CCBE1: variants seen among roughly 807,000 people sequenced by gnomAD.
CCBE1 encodes collagen and calcium-binding EGF domain-containing protein 1.
A neutral mutation model predicts 50.0 loss-of-function variants in CCBE1; 37 were observed. The ratio of observed to expected loss-of-function variants is 0.74; its 90% CI spans 0.57 to 0.97. The LOEUF (loss-of-function observed/expected upper bound fraction) is 0.97. Among genes scored for constraint, CCBE1 ranks in the 50% least tolerant of loss-of-function variants. CCBE1 has a pLI of 0.00. For synonymous variants in CCBE1, 234 were observed against 203.7 expected (o/e 1.15, Z -1.27); for missense variants, 538 against 523.8 (o/e 1.03, Z -0.26).
Position 59,432,927 on chromosome 18 carries a change from C to G in CCBE1, c.*2981G>C, listed in dbSNP as rs1909992610. On this transcript the variant is annotated 3_prime_UTR_variant, in exon 11 of 11. Coordinates refer to ENST00000439986, the MANE Select transcript of CCBE1 (RefSeq NM_133459.4). Reference sequence around the variant, plus strand: ...AAATCATAGATGGACCTAGCCATCTCTCATACAGCTTGTGCATAGTTTTGT... The same window carrying G: ...AAATCATAGATGGACCTAGCCATCTGTCATACAGCTTGTGCATAGTTTTGT... 1 of 149,174 alleles carries G rather than the reference C, an allele frequency of 6.7e-6. No individual in the cohort carries two copies. Among genetic ancestry groups the G allele is most frequent in the African/African-American group, 2.5e-5 (1 of 40,474 alleles). The allele number at this position is 149,174 out of a possible 1,614,324, so 9.2% of individuals were successfully genotyped here.
intron 2 of CCBE1, among the ~76,000 whole-genome samples, chr18:59,491,121 G>A (rs927859954): frequency 2.0e-5 from 3 of 152,192 alleles, no homozygotes; most frequent in Non-Finnish European, 4.4e-5. Flanking sequence ...ATACCTGAAT[G>A]ACTATTAGTA....
chr18:59,622,934 G>A lies in CCBE1; in HGVS notation c.212+73695C>T, dbSNP rs2053732751. Among the ~76,000 whole-genome samples, 3 of 151,950 alleles carry A rather than the reference G, an allele frequency of 2.0e-5. No individual in the cohort carries two copies. The South Asian group carries it at 6.2e-4, about 32-fold the overall frequency. On this transcript the variant is annotated intron_variant, in intron 2 of 10. Coordinates refer to ENST00000439986, the MANE Select transcript of CCBE1 (RefSeq NM_133459.4). ...GAAACACTCTGGATGATACTATGATGGAAAATACATGTCATGATACATTTA... is the reference window on the plus strand; with the variant it reads ...GAAACACTCTGGATGATACTATGATAGAAAATACATGTCATGATACATTTA...
At chr18:59,451,938 C>T (rs1208335681) in intron 6 of CCBE1, among the ~76,000 whole-genome samples, 2 of 147,888 alleles carry the variant, frequency 1.4e-5, no homozygotes, top group Non-Finnish European at 3.0e-5. Context: ...CAACAAGTCA[C>T]CACTTTCCTT....
At chr18:59,692,955 AGCACACACACACAC>A (rs201118486) in intron 2 of CCBE1, among the ~76,000 whole-genome samples, 7,722 of 143,128 alleles carry the variant, frequency 0.054, 325 homozygotes, top group African/African-American at 0.098. Context: ...GTCAAGCCAA[AGCACACACACACAC>A]ACACACACAC....
At chr18:59,563,943 T>C (rs1436678310) in intron 2 of CCBE1, 1 of 152,202 alleles carries the variant, frequency 6.6e-6, no homozygotes, top group African/African-American at 2.4e-5. Context: ...GAGAATAGCA[T>C]GAACAGCAGC....
chr18:59,509,634 T>A (rs535472419), intron 2 of CCBE1, among the ~76,000 whole-genome samples: 1 of 152,288 alleles, frequency 6.6e-6, no homozygotes, highest in East Asian at 1.9e-4. Context: ...ATCTAGCACA[T>A]GTCTTAAGTT....
At chr18:59,609,777 T>C (rs1044851897) in intron 2 of CCBE1, among the ~76,000 whole-genome samples, 1 of 152,236 alleles carries the variant, frequency 6.6e-6, no homozygotes, top group Non-Finnish European at 1.5e-5. Flanking sequence ...CAGGAAAGCA[T>C]AACTTTTTCA....
chr18:59,624,266 A>G (rs1442014315), intron 2 of CCBE1, among the ~76,000 whole-genome samples: 1 of 152,178 alleles, frequency 6.6e-6, no homozygotes, highest in Non-Finnish European at 1.5e-5. Flanking sequence ...TTAGCCTCAA[A>G]TTCTCTTTGG....
At chr18:59,516,798 C>G (rs1914394327) in intron 2 of CCBE1, among the ~76,000 whole-genome samples, 1 of 152,208 alleles carries the variant, frequency 6.6e-6, no homozygotes, top group South Asian at 2.1e-4. Flanking sequence ...CAGAACATCA[C>G]AGCAAACACA....
At chr18:59,495,793 G>A (rs956046880) in intron 2 of CCBE1, among the ~76,000 whole-genome samples, 11 of 152,196 alleles carry the variant, frequency 7.2e-5, no homozygotes, top group Admixed American at 1.3e-4. Context: ...GTACGAGGGG[G>A]CACTGCGGCC....
chr18:59,569,635 T>TA (rs34318969), intron 2 of CCBE1, among the ~76,000 whole-genome samples: 10,011 of 146,962 alleles, frequency 0.068, 947 homozygotes, highest in African/African-American at 0.21. Flanking sequence ...CCCGCCCTTT[T>TA]AAAAAAAAAA....
intron 3 of CCBE1, among the ~76,000 whole-genome samples, chr18:59,476,679 G>A (rs1339361734): frequency 6.6e-6 from 1 of 152,216 alleles, no homozygotes; most frequent in African/African-American, 2.4e-5. Flanking sequence ...AGGCAGCAAC[G>A]CTTAAAAACT....
intron 2 of CCBE1, among the ~76,000 whole-genome samples, chr18:59,540,212 A>C (rs1203371614): frequency 1.3e-5 from 2 of 152,232 alleles, no homozygotes; most frequent in African/African-American, 4.8e-5. Context: ...GAGAGAAATA[A>C]ATTATAGAAG....
At chr18:59,443,105 T>C (rs1026979128) in intron 7 of CCBE1, among the ~76,000 whole-genome samples, 6 of 152,206 alleles carry the variant, frequency 3.9e-5, no homozygotes, top group African/African-American at 1.2e-4. Flanking sequence ...TGTTTGCATG[T>C]GTGCCAGAAT....
At chr18:59,554,778 G>T (rs2052632652) in intron 2 of CCBE1, among the ~76,000 whole-genome samples, 1 of 152,182 alleles carries the variant, frequency 6.6e-6, no homozygotes, top group South Asian at 2.1e-4. Context: ...TCCAGCAGGG[G>T]TTACCAGCCT....
rs137999598 is a variant in CCBE1 at position 59,678,505 on chromosome 18, T to G, written c.212+18124A>C. ...AGACTATGACTAGATACCTTTCCCTTCAGAATATTCGTTGCCTTTTATATT... is the reference window on the plus strand; with the variant it reads ...AGACTATGACTAGATACCTTTCCCTGCAGAATATTCGTTGCCTTTTATATT... On this transcript the variant is annotated intron_variant, in intron 2 of 10. Transcript: ENST00000439986. 8.5e-5 allele frequency among the ~76,000 whole-genome samples: 13 copies of G among 152,252 alleles called. No individual in the cohort carries two copies. The East Asian group carries it at 2.5e-3, about 29-fold the overall frequency.
At chr18:59,687,098 T>C (rs1250571193) in intron 2 of CCBE1, among the ~76,000 whole-genome samples, 2 of 152,176 alleles carry the variant, frequency 1.3e-5, no homozygotes, top group Non-Finnish European at 2.9e-5. Context: ...AGCCATTTCT[T>C]TGTGGGAAAA....
intron 2 of CCBE1, among the ~76,000 whole-genome samples, chr18:59,692,438 CAA>C (rs944172182): frequency 4.6e-5 from 7 of 152,100 alleles, no homozygotes; most frequent in African/African-American, 1.7e-4. Flanking sequence ...CACACTGGAG[CAA>C]AGAGTTTATA....
intron 2 of CCBE1, among the ~76,000 whole-genome samples, chr18:59,498,648 A>G (rs1225778856): frequency 6.6e-6 from 1 of 152,264 alleles, no homozygotes; most frequent in Admixed American, 6.5e-5. Context: ...AGTTTGCTCT[A>G]AATAGCAGAA....
Sources: gnomAD v4.1 joint callset for allele counts (sites outside exome capture counted in the v4.1 genomes callset) on GRCh38, gnomAD v4.1.1 for gene constraint, MANE v1.5 for transcripts, NCBI Gene and HGNC (gene_info 2026-07-23, HGNC 2026-07-21) for gene names.